The following NKAIN2 variants were observed in gnomAD, a reference collection of about 807,000 sequenced individuals.
The protein encoded by NKAIN2 is sodium/potassium-transporting ATPase subunit beta-1-interacting protein 2.
In NKAIN2, 14 loss-of-function variants were observed where a neutral mutation model predicts 32.6. The observed-to-expected ratio is 0.43, with a 90% CI of 0.28 to 0.67. The LOEUF is 0.67. Among genes scored for constraint, NKAIN2 ranks in the 30% least tolerant of loss-of-function variants. The probability of loss-of-function intolerance (pLI) is 0.17; values close to 1 mark genes in which losing one functional copy is unlikely to be tolerated. For missense variants in NKAIN2, 198 were observed against 258.3 expected (o/e 0.77, Z 1.60); for synonymous variants, 80 against 87.2 (o/e 0.92, Z 0.46).
intron 3 of NKAIN2, among the ~76,000 whole-genome samples, chr6:124,374,125 A>G (rs1045157950): frequency 2.0e-5 from 3 of 152,106 alleles, no homozygotes; most frequent in African/African-American, 7.2e-5. Flanking sequence ...GTTTGACCTT[A>G]GGTAAGAAAA....
chr6:124,676,038 T>C (rs1018646013), intron 4 of NKAIN2, among the ~76,000 whole-genome samples: 5 of 152,202 alleles, frequency 3.3e-5, no homozygotes, highest in Non-Finnish European at 7.4e-5. Context: ...TATTTTTGTT[T>C]CTCAAAACAT....
At chr6:124,534,138 CT>C (rs879604303) in intron 3 of NKAIN2, among the ~76,000 whole-genome samples, 165 of 147,370 alleles carry the variant, frequency 1.1e-3, no homozygotes, top group Middle Eastern at 3.6e-3. Context: ...GTTTTGTTTT[CT>C]TTTTTTTTTT....
At chr6:124,510,819 C>A (rs1778681713) in intron 3 of NKAIN2, among the ~76,000 whole-genome samples, 1 of 152,140 alleles carries the variant, frequency 6.6e-6, no homozygotes, top group Non-Finnish European at 1.5e-5. Flanking sequence ...TTTTTACTCA[C>A]ATGTAGAAAA....
intron 4 of NKAIN2, among the ~76,000 whole-genome samples, chr6:124,662,291 A>G (rs1784774525): frequency 8.6e-6 from 1 of 115,984 alleles, no homozygotes. Flanking sequence ...ACAAATGTGC[A>G]GAAAGAATAA....
At chr6:124,259,122 GCTT>G (rs992803634) in intron 1 of NKAIN2, among the ~76,000 whole-genome samples, 1 of 152,106 alleles carries the variant, frequency 6.6e-6, no homozygotes, top group African/African-American at 2.4e-5. Context: ...CTGTCTGTCT[GCTT>G]CTTCTGGTCT....
chr6:124,612,335 T>G (rs193044137), intron 3 of NKAIN2, among the ~76,000 whole-genome samples: 5 of 152,298 alleles, frequency 3.3e-5, no homozygotes, highest in South Asian at 2.1e-4. Context: ...TTTTATTATT[T>G]GTGATACAGC....
intron 1 of NKAIN2, among the ~76,000 whole-genome samples, chr6:124,239,292 C>A (rs1369789426): frequency 6.6e-6 from 1 of 152,026 alleles, no homozygotes; most frequent in Non-Finnish European, 1.5e-5. Context: ...GACTCCCACA[C>A]AATAATAGTG....
chr6:124,051,580 C>G (rs1373814030), intron 1 of NKAIN2, among the ~76,000 whole-genome samples: 1 of 151,948 alleles, frequency 6.6e-6, no homozygotes. Context: ...CCCGCTCCCC[C>G]GACCCCACAA....
chr6:124,540,106 T>C (rs1361546024), intron 3 of NKAIN2, among the ~76,000 whole-genome samples: 2 of 152,358 alleles, frequency 1.3e-5, no homozygotes, highest in African/African-American at 2.4e-5. Flanking sequence ...ATGTGGATTT[T>C]ACATTTTGAT....
chr6:124,374,689 C>G (rs1314113461), intron 3 of NKAIN2, among the ~76,000 whole-genome samples: 1 of 152,002 alleles, frequency 6.6e-6, no homozygotes, highest in Non-Finnish European at 1.5e-5. Flanking sequence ...GTGTCCTGTC[C>G]TACACATAAT....
chr6:124,706,924 C>T (rs553236689), intron 4 of NKAIN2, among the ~76,000 whole-genome samples: 2 of 152,054 alleles, frequency 1.3e-5, no homozygotes, highest in East Asian at 3.9e-4. Flanking sequence ...ATGTGCCATG[C>T]TGGTGCGCTG....
chr6:124,823,424 C>A lies in NKAIN2; in HGVS notation c.*195C>A, dbSNP rs1159843814. On this transcript the variant is annotated 3_prime_UTR_variant, in exon 7 of 7. Coordinates refer to ENST00000368417, the MANE Select transcript of NKAIN2 (RefSeq NM_001040214.3). The stretch of plus-strand genomic sequence containing the variant: ...CGTGAGCACGCACACACCAATTCCA[C>A]TTGACCTCCTCTTTCTAACTGAAAC... 3.7e-6 allele frequency: 2 copies of A among 533,904 alleles called. No individual in the cohort carries two copies. The highest frequency in any genetic ancestry group is 6.7e-6 in the Non-Finnish European group (2 of 298,418). 33.1% of individuals were successfully genotyped at this position (533,904 alleles called of 1,614,324 possible). A position where few individuals can be genotyped will look rare whatever the true frequency, so the allele number is the denominator to read the frequency against.
chr6:124,465,519 TACC>T (rs1465234684), intron 3 of NKAIN2, among the ~76,000 whole-genome samples: 1 of 151,218 alleles, frequency 6.6e-6, no homozygotes, highest in African/African-American at 2.4e-5. Context: ...TTAGGAGAAA[TACC>T]TAATGTAGAT....
intron 3 of NKAIN2, among the ~76,000 whole-genome samples, chr6:124,628,262 C>G (rs561915660): frequency 7.7e-6 from 1 of 129,848 alleles, no homozygotes; most frequent in African/African-American, 3.1e-5. Flanking sequence ...ATGACCTTAC[C>G]TTTAAGTATT....
Position 124,430,810 on chromosome 6 carries a change from G to A in NKAIN2, c.273+75463G>A, listed in dbSNP as rs1775186184. 4.6e-5 allele frequency among the ~76,000 whole-genome samples: 7 copies of A among 152,118 alleles called. No homozygotes were observed. In the South Asian group the frequency reaches 1.5e-3, roughly 32 times the overall value. ...GGTGACATATACTCCACCTCTCAATGGGTGGACCTTTTAAAACCATCATAT... is the reference window on the plus strand; with the variant it reads ...GGTGACATATACTCCACCTCTCAATAGGTGGACCTTTTAAAACCATCATAT... On this transcript the variant is annotated intron_variant, in intron 3 of 6. Coordinates refer to ENST00000368417, the MANE Select transcript of NKAIN2 (RefSeq NM_001040214.3).
chr6:124,447,678 G>A (rs1775951443), intron 3 of NKAIN2, among the ~76,000 whole-genome samples: 1 of 152,158 alleles, frequency 6.6e-6, no homozygotes, highest in Non-Finnish European at 1.5e-5. Flanking sequence ...GCTATTTCAA[G>A]CATTCTGCTA....
intron 4 of NKAIN2, among the ~76,000 whole-genome samples, chr6:124,736,997 G>A (rs1035332266): frequency 6.6e-6 from 1 of 151,872 alleles, no homozygotes. Flanking sequence ...AAAACCTTCT[G>A]CAAATGAAGA....
chr6:124,325,471 T>G (rs764758934), intron 2 of NKAIN2, among the ~76,000 whole-genome samples: 2 of 151,934 alleles, frequency 1.3e-5, no homozygotes, highest in African/African-American at 2.4e-5. Flanking sequence ...TTACAACTCA[T>G]AATAACTAAA....
intron 1 of NKAIN2, among the ~76,000 whole-genome samples, chr6:123,855,961 TA>T (rs1214540779): frequency 6.6e-6 from 1 of 152,208 alleles, no homozygotes; most frequent in East Asian, 1.9e-4. Context: ...AGTTTACAAT[TA>T]AAAGCACTGT....
Sources: allele counts gnomAD v4.1 joint callset (sites outside exome capture counted in the v4.1 genomes callset), GRCh38; gene constraint gnomAD v4.1.1; transcripts MANE v1.5; gene names NCBI Gene and HGNC (gene_info 2026-07-23, HGNC 2026-07-21).